Variants in DERPC observed in about 807,000 individuals in gnomAD.
DERPC encodes the protein DERPC proline and glycine rich nuclear protein.
In DERPC, 1 loss-of-function variant was observed where a neutral mutation model predicts 7.2. The ratio of observed to expected loss-of-function variants is 0.14; its 90% confidence interval spans 0.05 to 0.66. DERPC has a LOEUF of 0.66. Among genes scored for constraint, DERPC ranks in the 30% least tolerant of loss-of-function variants. The pLI is 0.84. For missense variants in DERPC, 502 were observed against 299.4 expected, an observed-to-expected ratio of 1.68 and a Z score of -4.99; for synonymous variants, 185 against 117.6, an observed-to-expected ratio of 1.57 and a Z score of -3.71.
rs1406649516 is a variant in DERPC, at chr16:69,120,859, G to A, written c.-221-210C>T. The A allele has an allele frequency of 2.7e-6, 2 of 747,330 alleles. No homozygotes were observed. Among genetic ancestry groups the A allele is most frequent in the African/African-American group, 3.5e-5 (2 of 57,746 alleles). 46.3% of individuals were successfully genotyped at this position (747,330 alleles called of 1,614,324 possible). On this transcript the variant is annotated intron_variant, in intron 2 of 2. Transcript: ENST00000519520. The surrounding 1 kb of genome is among the most constrained non-coding windows in gnomAD (Gnocchi z 4.0). ...GGAGAATTTCCACTTTCAGAAATGT[G>A]AGCTTTCCAGATTCCCCAAAATTAA...
At position 69,120,913 on chromosome 16, in the gene DERPC, A is replaced by G; in HGVS notation, c.-221-264T>C. 1.2e-6 allele frequency: 1 copy of G among 818,694 alleles called. No individual in the cohort carries two copies. The highest frequency in any genetic ancestry group is 2.2e-6 in the Non-Finnish European group (1 of 458,868). 50.7% of individuals were successfully genotyped at this position (818,694 alleles called of 1,614,324 possible). A position where few individuals can be genotyped will look rare whatever the true frequency, so the allele number is the denominator to read the frequency against. ...TCCCTGCTACTGCAGAGGTAGGGGG[A>G]GAACAAGCAGAGAGCATCGCAGATT... is the stretch of plus-strand genomic sequence containing the variant. On this transcript the variant is annotated intron_variant, in intron 2 of 2. Transcript: ENST00000519520. This position sits in a 1 kb window ranked among gnomAD's most constrained non-coding sequence, Gnocchi z 4.0.
rs570314444 is a variant in DERPC at position 69,119,921 on chromosome 16, C to T, written c.508G>A (p.Asp170Asn). The T allele has an allele frequency of 3.8e-5, 27 of 702,618 alleles. No homozygotes were observed. In the East Asian group the frequency reaches 7.2e-4, roughly 19 times the overall value. The allele number at this position is 702,618 out of a possible 1,614,324, so 43.5% of individuals were successfully genotyped here. ...CCCATGGGACCACCACCTCTGGGGTCAGGACCTGCTCCCAGGAGACCACCT... is the reference window on the plus strand; with the variant it reads ...CCCATGGGACCACCACCTCTGGGGTTAGGACCTGCTCCCAGGAGACCACCT... The part of the protein sequence containing the change: ...RAGGLLGAGP[D>N]PRGGGPMGPG... Residue 170 changes from aspartate to asparagine, a missense_variant, in exon 3 of 3, where the codon GAC becomes AAC. Physicochemically the swap from Asp to Asn is conservative, Grantham distance 23. Coordinates refer to ENST00000519520, the MANE Select transcript of DERPC (RefSeq NM_001002847.4).
At chr16:69,121,295 G>T (rs1961636140) in intron 2 of DERPC, 141 bp downstream of exon 2, 1 of 1,231,538 alleles carries the variant, frequency 8.1e-7, no homozygotes, top group African/African-American at 1.5e-5. Flanking sequence ...AAATTGGGCA[G>T]TGCTAGGCAT....
rs1376840224 is a variant in DERPC at position 69,118,771 on chromosome 16, A to G, written c.*83T>C. The G allele has an allele frequency of 6.3e-6, 4 of 639,960 alleles. No homozygotes were observed. The highest frequency in any genetic ancestry group is 1.1e-5 in the Non-Finnish European group (4 of 356,618). 39.6% of individuals were successfully genotyped at this position (639,960 alleles called of 1,614,324 possible). A position where few individuals can be genotyped will look rare whatever the true frequency, so the allele number is the denominator to read the frequency against. ...GCTATGTTCTTCAGACTGTAGCTCC[A>G]CAACTACCCTTTTACCTAAGACAGC... On this transcript the variant is annotated 3_prime_UTR_variant, in exon 3 of 3. Transcript: ENST00000519520.
chr16:69,120,779 G>A lies in DERPC; in HGVS notation c.-221-130C>T. ...CCTGGTCTGGCTCTGCCATTGTTGA[G>A]CAGCCACACTGGACCACCCACCCAT... On this transcript the variant is annotated intron_variant, in intron 2 of 2. Transcript: ENST00000519520. This position sits in a 1 kb window ranked among gnomAD's most constrained non-coding sequence, Gnocchi z 4.0. The A allele has an allele frequency of 1.2e-6, 1 of 823,552 alleles. No homozygotes were observed. The highest frequency in any genetic ancestry group is 2.0e-6 in the Non-Finnish European group (1 of 508,178). 51.0% of individuals were successfully genotyped at this position (823,552 alleles called of 1,614,324 possible). A position where few individuals can be genotyped will look rare whatever the true frequency, so the allele number is the denominator to read the frequency against.
chr16:69,121,972 G>A (rs866591407), intron 1 of DERPC, among the ~76,000 whole-genome samples: 1 of 151,034 alleles, frequency 6.6e-6, no homozygotes, highest in African/African-American at 2.4e-5. Context: ...CCCGGCCCTA[G>A]AGATGGGGTT....
rs779739536 is a variant in DERPC, at chr16:69,118,323, G to A, written c.*531C>T. The A allele has an allele frequency of 7.2e-5, 96 of 1,324,190 alleles. No homozygotes were observed. The highest frequency in any genetic ancestry group is 9.9e-5 in the Non-Finnish European group (91 of 915,552). 82.0% of individuals were successfully genotyped at this position (1,324,190 alleles called of 1,614,324 possible). ...TGCATTCGGTGGGTCTTTCTTTGAAGTGGTTGTCCATCTCCCTGTTCTGTG... is the reference window on the plus strand; with the variant it reads ...TGCATTCGGTGGGTCTTTCTTTGAAATGGTTGTCCATCTCCCTGTTCTGTG... On this transcript the variant is annotated 3_prime_UTR_variant, in exon 3 of 3. Coordinates refer to ENST00000519520, the MANE Select transcript of DERPC (RefSeq NM_001002847.4).
Position 69,118,291 on chromosome 16 carries a change from C to A in DERPC, c.*563G>T. On this transcript the variant is annotated 3_prime_UTR_variant, in exon 3 of 3. Coordinates refer to ENST00000519520, the MANE Select transcript of DERPC (RefSeq NM_001002847.4). Reference sequence around the variant, plus strand: ...GGAGCTGCAGGCCCAGTCAGTCAAGCAGAAACTGCATTCGGTGGGTCTTTC... The same window carrying A: ...GGAGCTGCAGGCCCAGTCAGTCAAGAAGAAACTGCATTCGGTGGGTCTTTC... 2 of 1,056,876 alleles carry A rather than the reference C, an allele frequency of 1.9e-6. No homozygotes were observed. Among genetic ancestry groups the A allele is most frequent in the Non-Finnish European group, 1.5e-6 (1 of 675,276 alleles). The allele number at this position is 1,056,876 out of a possible 1,614,324, so 65.5% of individuals were successfully genotyped here.
intron 1 of DERPC, among the ~76,000 whole-genome samples, chr16:69,127,873 G>C (rs1482876419): frequency 1.3e-5 from 2 of 151,928 alleles, no homozygotes; most frequent in African/African-American, 4.8e-5. Context: ...GCCTTCCAAA[G>C]TGTTGGGATT....
At chr16:69,121,768 T>C (rs1597111008) in intron 1 of DERPC, among the ~76,000 whole-genome samples, 1 of 148,742 alleles carries the variant, frequency 6.7e-6, no homozygotes, top group African/African-American at 2.5e-5. Context: ...CCGGGGTTCA[T>C]GCCATTCTCC....
intron 1 of DERPC, among the ~76,000 whole-genome samples, chr16:69,126,075 T>A (rs1342707143): frequency 6.6e-6 from 1 of 152,184 alleles, no homozygotes; most frequent in Non-Finnish European, 1.5e-5. Context: ...GAGAAGGGGC[T>A]CTTGCAAATA....
chr16:69,128,543 C>T (rs1388965717), intron 1 of DERPC, among the ~76,000 whole-genome samples: 1 of 152,044 alleles, frequency 6.6e-6, no homozygotes, highest in African/African-American at 2.4e-5. Flanking sequence ...GCTAAATGAA[C>T]TAAACAATAC....
chr16:69,120,380 G>C lies in DERPC; in HGVS notation c.49C>G (p.Arg17Gly). The change falls in exon 3 of 3, where the codon CGT (arginine) becomes GGT (glycine). Residue 17 changes from arginine (R) to glycine (G), a missense_variant. Arg to Gly is a moderately radical substitution (Grantham distance 125, BLOSUM62 -2). Coordinates refer to ENST00000519520, the MANE Select transcript of DERPC (RefSeq NM_001002847.4). The surrounding 1 kb of genome is among the most constrained non-coding windows in gnomAD (Gnocchi z 4.0). ...CGTCCTCGAGGTGGCAGCGGAGCAC[G>C]AGTCCAAGGAGTTGGCCGCTCTCTA... Reference protein sequence around the residue: ...FPRERPTPWTRAPLPPRGRLD... With the variant: ...FPRERPTPWTGAPLPPRGRLD... 6.3e-7 allele frequency: 1 copy of C among 1,586,964 alleles called. No homozygotes were observed. Among genetic ancestry groups the C allele is most frequent in the Non-Finnish European group, 8.7e-7 (1 of 1,155,388 alleles).
intron 1 of DERPC, among the ~76,000 whole-genome samples, chr16:69,127,770 C>A (rs539624639): frequency 6.6e-6 from 1 of 151,376 alleles, no homozygotes; most frequent in African/African-American, 2.4e-5. Context: ...CCACCACACC[C>A]GGCAACTTTT....
At chr16:69,121,189 C>T in intron 2 of DERPC, 4 of 1,601,038 alleles carry the variant, frequency 2.5e-6, no homozygotes, top group Admixed American at 3.4e-5. Context: ...AAAGGGCTGG[C>T]GGTTACAATA....
rs1961453100 is a variant in DERPC at position 69,119,512 on chromosome 16, A to G, written c.917T>C (p.Met306Thr). 1.4e-6 allele frequency: 1 copy of G among 702,802 alleles called. No individual in the cohort carries two copies. Among genetic ancestry groups the G allele is most frequent in the Non-Finnish European group, 2.6e-6 (1 of 384,946 alleles). The allele number at this position is 702,802 out of a possible 1,614,324, so 43.5% of individuals were successfully genotyped here. The change falls in exon 3 of 3, where the codon ATG (methionine) becomes ACG (threonine). Residue 306 changes from methionine to threonine, a missense_variant. Transcript: ENST00000519520. ...SGNMGTSPSS[M>T]ARVPGPMGPN... ...GCCCATGGGGCCAGGTACTCTTGCCATGGAGGATGGGCTTGTGCCCATGTT... is the reference window on the plus strand; with the variant it reads ...GCCCATGGGGCCAGGTACTCTTGCCGTGGAGGATGGGCTTGTGCCCATGTT...
chr16:69,120,461 G>T lies in DERPC; in HGVS notation c.-33C>A, dbSNP rs1961562826. On this transcript the variant is annotated 5_prime_UTR_variant, in exon 3 of 3. Transcript: ENST00000519520. The surrounding 1 kb of genome is among the most constrained non-coding windows in gnomAD (Gnocchi z 4.0). ...TGGGGACGCTGGTGATAATGGGCTT[G>T]GGGCGGGTTTTGAAAAGGATCTTGT... The T allele has an allele frequency of 3.1e-6, 5 of 1,614,156 alleles. No individual in the cohort carries two copies. The East Asian group carries it at 1.1e-4, about 36-fold the overall frequency.
At chr16:69,123,294 C>G (rs753409058) in intron 1 of DERPC, among the ~76,000 whole-genome samples, 1 of 152,086 alleles carries the variant, frequency 6.6e-6, no homozygotes, top group Admixed American at 6.5e-5. Context: ...TTACTTTTTT[C>G]TTTGGTAATG....
intron 1 of DERPC, among the ~76,000 whole-genome samples, chr16:69,127,500 T>C (rs535040663): frequency 5.3e-5 from 8 of 152,138 alleles, no homozygotes; most frequent in African/African-American, 7.2e-5. Flanking sequence ...TGTTTAGAAA[T>C]TGCAGCTCTA....
Sources: gnomAD v4.1 joint callset for allele counts (sites outside exome capture counted in the v4.1 genomes callset) on GRCh38, gnomAD v4.1.1 for gene constraint, Gnocchi (gnomAD v3.1) non-coding constraint, MANE v1.5 for transcripts, NCBI Gene and HGNC (gene_info 2026-07-23, HGNC 2026-07-21) for gene names.